GPM6A: variants seen among roughly 807,000 people sequenced by gnomAD.
GPM6A encodes the protein glycoprotein M6A, also known as neuronal membrane glycoprotein M6-a.
GPM6A carries 7 observed loss-of-function variants against 32.1 expected under a neutral mutation model. The observed-to-expected ratio is 0.22, with a 90% CI of 0.12 to 0.41. GPM6A has a LOEUF of 0.41. GPM6A is among the 10% of genes least tolerant of loss of function. The pLI, the probability that GPM6A is intolerant of heterozygous loss-of-function variation, is 1.00. For synonymous variants in GPM6A, 130 were observed against 123.4 expected (o/e 1.05, Z -0.35); for missense variants, 235 against 347.2 (o/e 0.68, Z 2.57).
At chr4:175,687,223 A>G (rs1744033048) in intron 2 of GPM6A, among the ~76,000 whole-genome samples, 1 of 152,206 alleles carries the variant, frequency 6.6e-6, no homozygotes. Context: ...TTTTAAGTGT[A>G]CAATACAGCA....
At chr4:175,759,406 G>C (rs1732654188) in intron 1 of GPM6A, among the ~76,000 whole-genome samples, 1 of 152,002 alleles carries the variant, frequency 6.6e-6, no homozygotes, top group Non-Finnish European at 1.5e-5. Flanking sequence ...ACTGTAAAAG[G>C]CATAAAATTT....
At chr4:175,933,936 G>C (rs1228058593) in intron 1 of GPM6A, among the ~76,000 whole-genome samples, 2 of 152,160 alleles carry the variant, frequency 1.3e-5, no homozygotes. Flanking sequence ...CATACAATGG[G>C]ATACTTTTCA....
intron 1 of GPM6A, among the ~76,000 whole-genome samples, chr4:175,880,962 C>T (rs569919227): frequency 6.6e-6 from 1 of 152,052 alleles, no homozygotes; most frequent in Non-Finnish European, 1.5e-5. Flanking sequence ...CCGTCTTGTG[C>T]CAGTGGCAAC....
chr4:175,979,639 T>G (rs1370844163), intron 1 of GPM6A, among the ~76,000 whole-genome samples: 1 of 152,106 alleles, frequency 6.6e-6, no homozygotes, highest in Non-Finnish European at 1.5e-5. Flanking sequence ...TATGGAGAGC[T>G]CCTGAGTTTC....
chr4:175,836,473 G>T (rs1016560391), intron 1 of GPM6A, among the ~76,000 whole-genome samples: 9 of 152,080 alleles, frequency 5.9e-5, no homozygotes, highest in Non-Finnish European at 1.0e-4. Flanking sequence ...CACATTGTAT[G>T]ATACATAGTG....
chr4:175,673,353 CTTA>C (rs1255997493), intron 3 of GPM6A, among the ~76,000 whole-genome samples: 1 of 151,476 alleles, frequency 6.6e-6, no homozygotes, highest in Non-Finnish European at 1.5e-5. Context: ...ACATGTATTG[CTTA>C]TAAATTGGAG....
chr4:175,827,307 G>A (rs1191096106), intron 1 of GPM6A, among the ~76,000 whole-genome samples: 3 of 152,118 alleles, frequency 2.0e-5, no homozygotes, highest in Non-Finnish European at 2.9e-5. Flanking sequence ...AATACAAAAC[G>A]TTTAGTTAGA....
chr4:175,792,113 T>C (rs1734034639), intron 1 of GPM6A, among the ~76,000 whole-genome samples: 1 of 152,208 alleles, frequency 6.6e-6, no homozygotes, highest in Non-Finnish European at 1.5e-5. Context: ...TTTAAGTAAT[T>C]TGATCTCATT....
chr4:175,846,493 C>G (rs1736092163), intron 1 of GPM6A, among the ~76,000 whole-genome samples: 1 of 152,062 alleles, frequency 6.6e-6, no homozygotes, highest in Non-Finnish European at 1.5e-5. Flanking sequence ...TCCCTTTGCC[C>G]AGGTTGTAAA....
chr4:175,956,258 C>G (rs1232579780), intron 1 of GPM6A, among the ~76,000 whole-genome samples: 1 of 152,166 alleles, frequency 6.6e-6, no homozygotes, highest in Admixed American at 6.5e-5. Flanking sequence ...CTATGGACAA[C>G]AGACTTTCCC....
intron 1 of GPM6A, among the ~76,000 whole-genome samples, chr4:175,737,566 C>T (rs180849727): frequency 7.4e-4 from 113 of 152,258 alleles, no homozygotes; most frequent in Admixed American, 2.7e-3. Flanking sequence ...TTGAGAATTA[C>T]TTATTTATAA....
At chr4:175,977,930 C>T (rs1740708025) in intron 1 of GPM6A, among the ~76,000 whole-genome samples, 1 of 152,176 alleles carries the variant, frequency 6.6e-6, no homozygotes, top group African/African-American at 2.4e-5. Flanking sequence ...GCATGCGCAC[C>T]ACTTAACCCT....
intron 1 of GPM6A, among the ~76,000 whole-genome samples, chr4:175,857,311 T>C (rs938211507): frequency 2.6e-5 from 4 of 152,152 alleles, no homozygotes; most frequent in African/African-American, 9.7e-5. Flanking sequence ...ATTTCAGTAC[T>C]GACTGAGAGG....
intron 1 of GPM6A, among the ~76,000 whole-genome samples, chr4:175,820,709 G>A (rs535456534): frequency 2.4e-4 from 37 of 151,692 alleles, no homozygotes; most frequent in African/African-American, 7.0e-4. Flanking sequence ...CATGTTGGCC[G>A]GCTGGTCTCA....
chr4:175,760,584 G>A (rs1320407727), intron 1 of GPM6A, among the ~76,000 whole-genome samples: 1 of 152,074 alleles, frequency 6.6e-6, no homozygotes, highest in African/African-American at 2.4e-5. Flanking sequence ...AGATTATAAA[G>A]ATTAAATCAA....
intron 1 of GPM6A, among the ~76,000 whole-genome samples, chr4:175,977,408 A>C (rs1740694895): frequency 6.6e-6 from 1 of 152,172 alleles, no homozygotes; most frequent in Non-Finnish European, 1.5e-5. Flanking sequence ...TTTGTCTTTT[A>C]GGGAAAATAA....
intron 1 of GPM6A, among the ~76,000 whole-genome samples, chr4:175,930,143 G>C (rs1327815994): frequency 6.6e-6 from 1 of 152,038 alleles, no homozygotes; most frequent in Non-Finnish European, 1.5e-5. Flanking sequence ...AATAATGTTA[G>C]TCATCAAACA....
chr4:175,980,397 A>C (rs184758095), intron 1 of GPM6A, among the ~76,000 whole-genome samples: 2 of 152,266 alleles, frequency 1.3e-5, no homozygotes, highest in East Asian at 3.9e-4. Context: ...GCCTCACCGT[A>C]AGATCATTTA....
intron 1 of GPM6A, among the ~76,000 whole-genome samples, chr4:175,837,143 G>A (rs967811707): frequency 6.6e-6 from 1 of 152,026 alleles, no homozygotes; most frequent in African/African-American, 2.4e-5. Flanking sequence ...GAGAGAGAGA[G>A]AGTGAAAGAT....
Sources: allele counts gnomAD v4.1 joint callset (sites outside exome capture counted in the v4.1 genomes callset), GRCh38; gene constraint gnomAD v4.1.1; transcripts MANE v1.5; gene names NCBI Gene and HGNC (gene_info 2026-07-23, HGNC 2026-07-21).